TNRC6A: variants seen among roughly 807,000 people sequenced by gnomAD.
TNRC6A encodes the protein trinucleotide repeat-containing gene 6A protein.
In TNRC6A, 44 loss-of-function variants were observed where a neutral mutation model predicts 221.2. The observed-to-expected ratio is 0.20, with a 90% CI of 0.16 to 0.26. The LOEUF (loss-of-function observed/expected upper bound fraction) is 0.26. Among genes scored for constraint, TNRC6A ranks in the 10% least tolerant of loss-of-function variants. The probability of loss-of-function intolerance (pLI) is 1.00; values close to 1 mark genes in which losing one functional copy is unlikely to be tolerated. For synonymous variants in TNRC6A, 847 were observed against 838.5 expected (o/e 1.01, Z -0.18); for missense variants, 2,199 against 2,404.4 (o/e 0.91, Z 1.79).
upstream of TNRC6A, among the ~76,000 whole-genome samples, chr16:24,729,289 G>A (rs898130138): frequency 7.0e-6 from 1 of 143,464 alleles, no homozygotes; most frequent in African/African-American, 2.6e-5. Flanking sequence ...GGTAAAATTT[G>A]CGTTTTAGGC....
rs1567380185 is a variant in TNRC6A, at chr16:24,713,454, AAATAT to A, written n.403-37270_403-37266del. On this transcript the variant is annotated intron_variant and non_coding_transcript_variant, in intron 2 of 2. Coordinates refer to the TNRC6A transcript ENST00000566108. ...CAAACAAACAAACAAACAAACAAAA[AAATAT>A]ATATATATATATGTTACCTTTTTTC... 5.3e-3 allele frequency among the ~76,000 whole-genome samples: 487 copies of A among 91,766 alleles called. 2 individuals carry two copies. The highest frequency in any genetic ancestry group is 0.014 in the African/African-American group (412 of 30,212). The allele number at this position is 91,766 out of a possible 152,430, so 60.2% of individuals were successfully genotyped here. A position where few individuals can be genotyped will look rare whatever the true frequency, so the allele number is the denominator to read the frequency against.
chr16:24,815,777 C>T lies in TNRC6A; in HGVS notation c.4831+472C>T, dbSNP rs1040646486. On this transcript the variant is annotated intron_variant, in intron 19 of 24. Transcript: ENST00000395799. ...CTGAGGCAGGAGAATGGCGTGAACC[C>T]GGGAGGCAGAGCTTGCAGTGAGCCG... 3.5e-5 allele frequency: 6 copies of T among 170,020 alleles called. No homozygotes were observed. In the East Asian group the frequency reaches 7.6e-4, roughly 22 times the overall value. The allele number at this position is 170,020 out of a possible 1,614,324, so 10.5% of individuals were successfully genotyped here.
At chr16:24,764,027 A>G (rs1445064819) in intron 4 of TNRC6A, among the ~76,000 whole-genome samples, 2 of 152,210 alleles carry the variant, frequency 1.3e-5, no homozygotes, top group Admixed American at 6.5e-5. Flanking sequence ...TATACAATAC[A>G]ATATTATTAA....
At chr16:24,757,493 T>G (rs1253042878) in intron 3 of TNRC6A, among the ~76,000 whole-genome samples, 1 of 152,230 alleles carries the variant, frequency 6.6e-6, no homozygotes, top group African/African-American at 2.4e-5. Context: ...TTCCTGTTCT[T>G]GTATCTGTTA....
At position 24,791,726 on chromosome 16, in the gene TNRC6A, T is replaced by A. The variant is rs1186328711; in HGVS notation, c.3084T>A (p.Asn1028Lys). 6.2e-7 allele frequency: 1 copy of A among 1,613,446 alleles called. No individual in the cohort carries two copies. The change falls in exon 6 of 25, where the codon AAT (asparagine) becomes AAA (lysine). Residue 1028 changes from asparagine (N) to lysine (K), a missense_variant. Coordinates refer to ENST00000395799, the MANE Select transcript of TNRC6A (RefSeq NM_014494.4). ...NVNMWNKNVP[N>K]GNSRSDQQAQ... ...ACATGTGGAACAAAAACGTCCCAAA[T>A]GGCAACAGCCGTTCAGACCAGCAAG...
rs892879312 is a variant in TNRC6A at position 24,719,526 on chromosome 16, G to A, written n.403-31200G>A. Among the ~76,000 whole-genome samples the A allele has an allele frequency of 2.0e-4, 30 of 152,110 alleles. 1 individual carries two copies. The highest frequency in any genetic ancestry group is 1.6e-3 in the Admixed American group (24 of 15,264). ...AATATAAAAATTATCTGGGTGTGGC[G>A]ACAGGTCCCTGTAATGCCAGCTACT... is the stretch of plus-strand genomic sequence containing the variant. On this transcript the variant is annotated intron_variant and non_coding_transcript_variant, in intron 2 of 2. Transcript: ENST00000566108.
chr16:24,661,032 C>T (rs964008255), intron 2 of TNRC6A, among the ~76,000 whole-genome samples: 1 of 152,028 alleles, frequency 6.6e-6, no homozygotes, highest in Non-Finnish European at 1.5e-5. Context: ...TGAGCCACCA[C>T]GCCCTGCCCA....
At chr16:24,801,792 AG>A (rs1218089240) in intron 11 of TNRC6A, among the ~76,000 whole-genome samples, 2 of 152,246 alleles carry the variant, frequency 1.3e-5, no homozygotes, top group Non-Finnish European at 2.9e-5. Flanking sequence ...CTCTTTCAAA[AG>A]GTATTTGCAT....
chr16:24,798,335 G>A (rs1442659843), intron 11 of TNRC6A, among the ~76,000 whole-genome samples: 6 of 152,160 alleles, frequency 3.9e-5, no homozygotes, highest in African/African-American at 1.4e-4. Flanking sequence ...AACAGTTTTG[G>A]TGGGGGCAGC....
At chr16:24,617,592 T>C (rs12933469) in intron 1 of TNRC6A, among the ~76,000 whole-genome samples, 13,776 of 152,260 alleles carry the variant, frequency 0.09, 827 homozygotes, top group Non-Finnish European at 0.13. Flanking sequence ...GTGTCAAGTA[T>C]GTTATTACTA....
At chr16:24,680,537 T>G (rs1159079219) in intron 2 of TNRC6A, among the ~76,000 whole-genome samples, 1 of 151,636 alleles carries the variant, frequency 6.6e-6, no homozygotes, top group Non-Finnish European at 1.5e-5. Context: ...ACCAACATAG[T>G]GAAACCTCAT....
chr16:24,697,653 C>G (rs1365312067), intron 2 of TNRC6A, among the ~76,000 whole-genome samples: 1 of 152,120 alleles, frequency 6.6e-6, no homozygotes, highest in East Asian at 1.9e-4. Flanking sequence ...CCACTGTACT[C>G]CAGCCTGGGC....
At chr16:24,782,915 C>T (rs978844151) in intron 5 of TNRC6A, among the ~76,000 whole-genome samples, 3 of 152,040 alleles carry the variant, frequency 2.0e-5, no homozygotes, top group Admixed American at 6.5e-5. Flanking sequence ...AAGGTTCTCT[C>T]GTATTCCCAA....
intron 2 of TNRC6A, among the ~76,000 whole-genome samples, chr16:24,699,464 T>C (rs943417557): frequency 6.6e-6 from 1 of 152,152 alleles, no homozygotes; most frequent in African/African-American, 2.4e-5. Context: ...ACACCTGTAA[T>C]GCCAGCAGTT....
chr16:24,800,126 G>A (rs538804602), intron 11 of TNRC6A, among the ~76,000 whole-genome samples: 34 of 152,270 alleles, frequency 2.2e-4, no homozygotes, highest in South Asian at 6.2e-4. Flanking sequence ...TGTTGGAAGC[G>A]TTTTCTCTCT....
intron 2 of TNRC6A, among the ~76,000 whole-genome samples, chr16:24,689,625 G>A (rs2055709982): frequency 1.3e-5 from 2 of 152,144 alleles, no homozygotes; most frequent in East Asian, 3.8e-4. Flanking sequence ...CTAGCCACTA[G>A]GGATAGAGCA....
At chr16:24,753,413 C>A (rs559416192) in intron 3 of TNRC6A, among the ~76,000 whole-genome samples, 2 of 152,304 alleles carry the variant, frequency 1.3e-5, no homozygotes, top group South Asian at 2.1e-4. Context: ...AGGTTTAATA[C>A]CTCTAATAAA....
At chr16:24,688,125 G>A (rs1298244662) in intron 2 of TNRC6A, among the ~76,000 whole-genome samples, 1 of 150,136 alleles carries the variant, frequency 6.7e-6, no homozygotes, top group East Asian at 2.0e-4. Flanking sequence ...ATTTTTAGTA[G>A]AGACGGGGTT....
At chr16:24,618,000 C>T (rs762974824) in intron 1 of TNRC6A, among the ~76,000 whole-genome samples, 5 of 152,140 alleles carry the variant, frequency 3.3e-5, no homozygotes, top group African/African-American at 4.8e-5. Context: ...CAGGTCCAAG[C>T]GATTCTCGTG....
Sources: gnomAD v4.1 joint callset for allele counts (sites outside exome capture counted in the v4.1 genomes callset) on GRCh38, gnomAD v4.1.1 for gene constraint, MANE v1.5 for transcripts, NCBI Gene and HGNC (gene_info 2026-07-23, HGNC 2026-07-21) for gene names.